The following MACROD2 variants were observed in gnomAD, a reference collection of about 807,000 sequenced individuals.
MACROD2 encodes the protein mono-ADP ribosylhydrolase 2.
In MACROD2, 36 loss-of-function variants were observed where a neutral mutation model predicts 70.4. That is an observed-to-expected ratio of 0.51 (90% CI 0.39 to 0.68). The LOEUF (loss-of-function observed/expected upper bound fraction) is 0.68. Among genes scored for constraint, MACROD2 ranks in the 30% least tolerant of loss-of-function variants. MACROD2 has a pLI of 0.00. For synonymous variants in MACROD2, 172 were observed against 178.8 expected, an observed-to-expected ratio of 0.96 and a Z score of 0.30; for missense variants, 496 against 538.4, an observed-to-expected ratio of 0.92 and a Z score of 0.78.
At chr20:15,769,599 C>CT (rs145839060) in intron 8 of MACROD2, among the ~76,000 whole-genome samples, 2,417 of 152,240 alleles carry the variant, frequency 0.016, 66 homozygotes, top group African/African-American at 0.054. Context: ...TAGTTGTGCT[C>CT]TGACATTATG....
At chr20:15,535,391 G>T (rs2047860705) in intron 8 of MACROD2, among the ~76,000 whole-genome samples, 1 of 152,094 alleles carries the variant, frequency 6.6e-6, no homozygotes, top group Non-Finnish European at 1.5e-5. Flanking sequence ...AATATCACCT[G>T]GGAACTTGTT....
intron 7 of MACROD2, among the ~76,000 whole-genome samples, chr20:15,473,980 C>T (rs1177142055): frequency 6.6e-6 from 1 of 152,198 alleles, no homozygotes; most frequent in Non-Finnish European, 1.5e-5. Context: ...AGATTTGAAT[C>T]CTGGCTCAAG....
chr20:15,583,721 G>T (rs1293253673), intron 8 of MACROD2, among the ~76,000 whole-genome samples: 1 of 152,086 alleles, frequency 6.6e-6, no homozygotes, highest in Non-Finnish European at 1.5e-5. Flanking sequence ...TCAGCTCACT[G>T]CAACCTCCGC....
intron 3 of MACROD2, among the ~76,000 whole-genome samples, chr20:14,130,543 C>CA (rs528905707): frequency 4.8e-4 from 72 of 148,902 alleles, no homozygotes; most frequent in Middle Eastern, 3.5e-3. Context: ...GACTCTGTCT[C>CA]AAAAAAAAAG....
intron 8 of MACROD2, among the ~76,000 whole-genome samples, chr20:15,800,296 C>A (rs904462321): frequency 1.3e-5 from 2 of 150,284 alleles, no homozygotes; most frequent in African/African-American, 5.0e-5. Flanking sequence ...TAATATGGTC[C>A]CATTTGCCTA....
At chr20:14,070,996 A>G (rs1314874191) in intron 2 of MACROD2, among the ~76,000 whole-genome samples, 2 of 152,092 alleles carry the variant, frequency 1.3e-5, no homozygotes, top group Admixed American at 1.3e-4. Flanking sequence ...CTTCCAAAAC[A>G]TAGTAGCTTA....
intron 3 of MACROD2, among the ~76,000 whole-genome samples, chr20:14,406,354 GA>G (rs2083691009): frequency 6.6e-6 from 1 of 152,016 alleles, no homozygotes; most frequent in Non-Finnish European, 1.5e-5. Context: ...TTTACATATG[GA>G]AAAGGTCCTG....
rs556585269 is a variant in MACROD2, at chr20:15,064,631, T to C, written c.419-165309T>C. Among the ~76,000 whole-genome samples the C allele has an allele frequency of 8.1e-4, 123 of 152,324 alleles. 2 individuals are homozygous for C. The highest frequency in any genetic ancestry group is 2.9e-3 in the African/African-American group (120 of 41,580). On this transcript the variant is annotated intron_variant, in intron 5 of 17. Coordinates refer to ENST00000684519, the MANE Select transcript of MACROD2 (RefSeq NM_001351661.2). ...ACATTTTAATGTTGCTGGTTTTGAA[T>C]AATAGCCACTCCACGCATAGCAATC...
chr20:14,463,173 A>T (rs1409589387), intron 3 of MACROD2, among the ~76,000 whole-genome samples: 1 of 151,998 alleles, frequency 6.6e-6, no homozygotes, highest in African/African-American at 2.4e-5. Context: ...ATGAGCATGG[A>T]ATGTTCTTCC....
chr20:14,270,922 C>T (rs533991962), intron 3 of MACROD2, among the ~76,000 whole-genome samples: 14 of 152,300 alleles, frequency 9.2e-5, no homozygotes, highest in East Asian at 1.9e-4. Flanking sequence ...ACTGCAAGGC[C>T]GCAGCGAGGC....
rs764297475 is a variant in MACROD2, at chr20:14,326,216, G to T, written c.272-167263G>T. 1 of 1,613,934 alleles carries T rather than the reference G, an allele frequency of 6.2e-7. No homozygotes were observed. The highest frequency in any genetic ancestry group is 8.5e-7 in the Non-Finnish European group (1 of 1,179,882). On this transcript the variant is annotated intron_variant, in intron 3 of 17. Transcript: ENST00000684519. This position sits in a 1 kb window ranked among gnomAD's most constrained non-coding sequence, Gnocchi z 5.5. ...CTGAGTCTCAAAGCAGTCATAGGTA[G>T]AGCAAGTTTCCAAGAGATATGAATG...
intron 9 of MACROD2, among the ~76,000 whole-genome samples, chr20:15,868,809 CTG>C (rs758044722): frequency 1.3e-5 from 2 of 152,124 alleles, no homozygotes; most frequent in Non-Finnish European, 2.9e-5. Context: ...GGGTCGTACT[CTG>C]TCATCTAGAC....
chr20:14,362,324 C>T (rs2083229577), intron 3 of MACROD2, among the ~76,000 whole-genome samples: 1 of 152,118 alleles, frequency 6.6e-6, no homozygotes, highest in South Asian at 2.1e-4. Context: ...AGAAGCTGGT[C>T]CAAGGTCTCC....
intron 8 of MACROD2, among the ~76,000 whole-genome samples, chr20:15,848,261 T>G (rs1445717797): frequency 6.6e-6 from 1 of 152,128 alleles, no homozygotes; most frequent in African/African-American, 2.4e-5. Flanking sequence ...TCTGGCTCCA[T>G]GCCACTAAGT....
rs547440395 is a variant in MACROD2 at position 16,046,466 on chromosome 20, G to A, written c.1300+1827G>A. ...ACAATTTAAATGCAAGCTCCTCAGT[G>A]TTTCCTTTCCTTTTACCCTTTTGCT... is the stretch of plus-strand genomic sequence containing the variant. On this transcript the variant is annotated intron_variant, in intron 17 of 17. Coordinates refer to ENST00000684519, the MANE Select transcript of MACROD2 (RefSeq NM_001351661.2). Among the ~76,000 whole-genome samples the A allele has an allele frequency of 3.6e-4, 54 of 151,900 alleles. No homozygotes were observed. The South Asian group carries it at 5.6e-3, about 16-fold the overall frequency.
intron 5 of MACROD2, among the ~76,000 whole-genome samples, chr20:14,712,701 T>G (rs1406045638): frequency 2.6e-5 from 4 of 152,210 alleles, no homozygotes; most frequent in Admixed American, 1.3e-4. Flanking sequence ...TCAGAGACTT[T>G]TAGGGAGCTT....
chr20:15,894,174 CA>C (rs2064934302), intron 10 of MACROD2, among the ~76,000 whole-genome samples: 1 of 152,242 alleles, frequency 6.6e-6, no homozygotes. Flanking sequence ...TGCTCACATG[CA>C]GGACTGCACA....
chr20:14,360,624 A>G (rs1601527154), intron 3 of MACROD2, among the ~76,000 whole-genome samples: 1 of 152,196 alleles, frequency 6.6e-6, no homozygotes, highest in Non-Finnish European at 1.5e-5. Flanking sequence ...CAGCCTTGCT[A>G]GGTTGTTGGA....
intron 3 of MACROD2, among the ~76,000 whole-genome samples, chr20:14,228,588 TAA>T (rs2081768382): frequency 6.6e-6 from 1 of 152,192 alleles, no homozygotes; most frequent in Non-Finnish European, 1.5e-5. Flanking sequence ...ATTGCTTACA[TAA>T]GTTAGATTTT....
Sources: allele counts gnomAD v4.1 joint callset (sites outside exome capture counted in the v4.1 genomes callset), GRCh38; gene constraint gnomAD v4.1.1; non-coding constraint Gnocchi (gnomAD v3.1); transcripts MANE v1.5; gene names NCBI Gene and HGNC (gene_info 2026-07-23, HGNC 2026-07-21).